Variants in NRP2 observed in about 807,000 individuals in gnomAD.
The protein encoded by NRP2 is neuropilin 2.
A neutral mutation model predicts 110.4 loss-of-function variants in NRP2; 52 were observed. That is an observed-to-expected ratio of 0.47 (90% CI 0.38 to 0.59). NRP2 has a LOEUF of 0.59. Among genes scored for constraint, NRP2 ranks in the 20% least tolerant of loss-of-function variants. The pLI is 0.00. For synonymous variants in NRP2, 508 were observed against 468.9 expected, an observed-to-expected ratio of 1.08 and a Z score of -1.08; for missense variants, 1,049 against 1,203.0, an observed-to-expected ratio of 0.87 and a Z score of 1.89.
intron 5 of NRP2, 65 bp downstream of exon 5, chr2:205,724,005 A>G: frequency 6.3e-7 from 1 of 1,583,126 alleles, no homozygotes; most frequent in Non-Finnish European, 8.7e-7. Context: ...TGTACAGGTG[A>G]AGGGGGGCTG....
intron 12 of NRP2, among the ~76,000 whole-genome samples, chr2:205,756,098 CT>C (rs2057730932): frequency 6.6e-6 from 1 of 152,110 alleles, no homozygotes; most frequent in Non-Finnish European, 1.5e-5. Context: ...AAAGCACCCA[CT>C]GGTTTCATTC....
intron 15 of NRP2, chr2:205,776,158 G>A: frequency 7.8e-7 from 1 of 1,289,600 alleles, no homozygotes; most frequent in East Asian, 2.3e-5. Flanking sequence ...CCCAAAGCAT[G>A]TGTGTGTTTC....
At chr2:205,696,159 G>A (rs566534776) in intron 1 of NRP2, among the ~76,000 whole-genome samples, 1 of 152,294 alleles carries the variant, frequency 6.6e-6, no homozygotes, top group South Asian at 2.1e-4. Flanking sequence ...CCCGTGTGCA[G>A]CGTGCCCATC....
chr2:205,758,329 A>G (rs117590044), intron 12 of NRP2, among the ~76,000 whole-genome samples: 2 of 152,274 alleles, frequency 1.3e-5, no homozygotes, highest in East Asian at 3.9e-4. Flanking sequence ...TGTTGGACAG[A>G]TGGTGTGTTT....
chr2:205,765,674 G>C, intron 14 of NRP2, 104 bp downstream of exon 14: 2 of 973,898 alleles, frequency 2.1e-6, no homozygotes, highest in Non-Finnish European at 3.3e-6. Context: ...TCGTTACCCA[G>C]TGGGTGGGGC....
chr2:205,743,678 C>T lies in NRP2; in HGVS notation c.1641+126C>T, dbSNP rs2057486293. ...ATCCAACTCCTGAAATCCAATAAAA[C>T]AAATATCGTTTGAGAGATTACTTTG... On this transcript the variant is annotated intron_variant, in intron 9 of 16. Transcript: ENST00000357785. 22 of 1,474,116 alleles carry T rather than the reference C, an allele frequency of 1.5e-5. No homozygotes were observed. In the South Asian group the frequency reaches 3.1e-4, roughly 21 times the overall value. 91.3% of individuals were successfully genotyped at this position (1,474,116 alleles called of 1,614,324 possible).
chr2:205,732,574 T>C lies in NRP2; in HGVS notation c.1146+4528T>C, dbSNP rs1262519855. ...CTGCGGCTGCTATCGGCAAAGCACC[T>C]TGAGATCTGTAGATGGAAGGCTCTC... On this transcript the variant is annotated intron_variant, in intron 7 of 16. Transcript: ENST00000357785. 1.3e-5 allele frequency among the ~76,000 whole-genome samples: 2 copies of C among 152,228 alleles called. 1 individual carries two copies. Among genetic ancestry groups the C allele is most frequent in the Non-Finnish European group, 2.9e-5 (2 of 68,048 alleles).
At chr2:205,709,466 A>G (rs1447775127) in intron 2 of NRP2, among the ~76,000 whole-genome samples, 1 of 152,182 alleles carries the variant, frequency 6.6e-6, no homozygotes, top group Non-Finnish European at 1.5e-5. Flanking sequence ...ACCACCCGCA[A>G]AGGTGGAGAC....
chr2:205,738,778 G>A (rs1023731952), intron 7 of NRP2, among the ~76,000 whole-genome samples: 1 of 152,186 alleles, frequency 6.6e-6, no homozygotes, highest in African/African-American at 2.4e-5. Flanking sequence ...GGGGAGGAGA[G>A]GGAGCAGCAG....
chr2:205,745,666 G>A, intron 9 of NRP2, 80 bp from the exon 10 acceptor site: 1 of 1,555,478 alleles, frequency 6.4e-7, no homozygotes, highest in East Asian at 2.3e-5. Flanking sequence ...GGGGCAGGGA[G>A]GAGAAGGGGA....
intron 2 of NRP2, chr2:205,701,130 T>G (rs148396816): frequency 6.1e-6 from 1 of 163,450 alleles, no homozygotes; most frequent in Admixed American, 6.4e-5. Flanking sequence ...TTAAAATGTA[T>G]GTATTTTTAA....
chr2:205,700,469 C>T (rs1017997846), intron 2 of NRP2, among the ~76,000 whole-genome samples: 1 of 152,212 alleles, frequency 6.6e-6, no homozygotes, highest in African/African-American at 2.4e-5. Context: ...CAGTGGTCAG[C>T]ACACCCAACC....
chr2:205,752,332 T>G (rs2057661129), intron 11 of NRP2: 1 of 201,228 alleles, frequency 5.0e-6, no homozygotes, highest in East Asian at 1.3e-4. Flanking sequence ...AAGCCTTCCT[T>G]GTTTCTGAGG....
chr2:205,747,478 A>G (rs1351504846), intron 10 of NRP2, among the ~76,000 whole-genome samples: 3 of 152,228 alleles, frequency 2.0e-5, no homozygotes, highest in African/African-American at 7.2e-5. Context: ...TGTTATGATA[A>G]ATAACTGTAA....
chr2:205,776,529 G>A lies in NRP2; in HGVS notation c.2425+9726G>A, dbSNP rs138336363. The A allele has an allele frequency of 6.9e-6, 11 of 1,603,420 alleles. No individual in the cohort carries two copies. Among genetic ancestry groups the A allele is most frequent in the Non-Finnish European group, 9.3e-6 (11 of 1,179,974 alleles). ...AAGACCGTGGCTCGCACTGCTGAGG[G>A]CCGAAGCAAGAACAGCACCCAAAAC... On this transcript the variant is annotated intron_variant, in intron 15 of 16. Transcript: ENST00000357785.
intron 2 of NRP2, chr2:205,701,538 CAAA>C (rs11448123): frequency 4.6e-5 from 6 of 129,080 alleles, no homozygotes; most frequent in African/African-American, 3.0e-5. Flanking sequence ...GACTCTGTCT[CAAA>C]AAAAAAAAAA....
chr2:205,712,254 TAAAAC>T (rs1227181148), intron 2 of NRP2, among the ~76,000 whole-genome samples: 1 of 152,032 alleles, frequency 6.6e-6, no homozygotes, highest in Admixed American at 6.5e-5. Context: ...AAAAAATAAA[TAAAAC>T]AATACAAGGT....
chr2:205,736,874 G>A (rs1416140890), intron 7 of NRP2, among the ~76,000 whole-genome samples: 3 of 152,146 alleles, frequency 2.0e-5, no homozygotes, highest in Admixed American at 6.6e-5. Context: ...GAAAACATAT[G>A]AAGGGTGATT....
intron 2 of NRP2, among the ~76,000 whole-genome samples, chr2:205,699,970 A>G (rs986625218): frequency 2.0e-5 from 2 of 102,384 alleles, no homozygotes; most frequent in African/African-American, 3.9e-5. Context: ...CCCACTCCCC[A>G]TTTCTCTCTC....
Sources: gnomAD v4.1 joint callset for allele counts (sites outside exome capture counted in the v4.1 genomes callset) on GRCh38, gnomAD v4.1.1 for gene constraint, MANE v1.5 for transcripts, NCBI Gene and HGNC (gene_info 2026-07-23, HGNC 2026-07-21) for gene names.